Variants in OPCML observed in about 807,000 individuals in gnomAD.
The protein encoded by OPCML is opioid binding protein/cell adhesion molecule like, also known as opioid-binding protein/cell adhesion molecule.
Under a neutral mutation model 37.8 loss-of-function variants are expected in OPCML, and 13 were observed. The observed-to-expected ratio is 0.34, with a 90% confidence interval of 0.22 to 0.55. The LOEUF (loss-of-function observed/expected upper bound fraction) is 0.55, where lower values mean the gene tolerates loss of function less well. OPCML is among the 20% of genes least tolerant of loss of function. OPCML has a pLI of 0.91. For missense variants in OPCML, 341 were observed against 435.6 expected (o/e 0.78, Z 1.93); for synonymous variants, 176 against 168.8 (o/e 1.04, Z -0.33).
chr11:132,557,701 C>A (rs923243510), intron 3 of OPCML, among the ~76,000 whole-genome samples: 16 of 152,192 alleles, frequency 1.1e-4, no homozygotes, highest in African/African-American at 3.9e-4. Flanking sequence ...ATTCTAGGCA[C>A]TTTGCCAGGC....
intron 2 of OPCML, among the ~76,000 whole-genome samples, chr11:132,827,940 C>A (rs1161396579): frequency 1.3e-5 from 2 of 152,018 alleles, no homozygotes; most frequent in Non-Finnish European, 2.9e-5. Context: ...CCCTGTGCAC[C>A]AGTGTTTTAT....
At chr11:132,512,978 A>G (rs183293165) in intron 4 of OPCML, among the ~76,000 whole-genome samples, 234 of 152,104 alleles carry the variant, frequency 1.5e-3, no homozygotes, top group Middle Eastern at 3.4e-3. Flanking sequence ...TTATGACCGC[A>G]AGATTTTTTT....
At chr11:132,771,309 T>C (rs1212653534) in intron 2 of OPCML, among the ~76,000 whole-genome samples, 2 of 152,206 alleles carry the variant, frequency 1.3e-5, no homozygotes, top group Non-Finnish European at 2.9e-5. Context: ...TCTTGCACGA[T>C]GGGGATTCAA....
chr11:133,350,288 T>G (rs1290884733), intron 1 of OPCML, among the ~76,000 whole-genome samples: 1 of 152,222 alleles, frequency 6.6e-6, no homozygotes, highest in African/African-American at 2.4e-5. Context: ...GAACACTGCC[T>G]GGTGACAGGT....
intron 2 of OPCML, among the ~76,000 whole-genome samples, chr11:132,917,419 C>A (rs185773407): frequency 5.2e-4 from 70 of 135,202 alleles, no homozygotes; most frequent in African/African-American, 2.6e-3. Flanking sequence ...GAGTAGTTAG[C>A]ATGTTTTTCT....
intron 1 of OPCML, among the ~76,000 whole-genome samples, chr11:133,204,010 A>AT (rs1358556034): frequency 2.1e-4 from 28 of 134,756 alleles, no homozygotes; most frequent in Admixed American, 7.6e-4. Flanking sequence ...TTGAGCCGAG[A>AT]TCCCGCCACT....
At chr11:133,246,545 A>G (rs1028030473) in intron 1 of OPCML, among the ~76,000 whole-genome samples, 3 of 152,190 alleles carry the variant, frequency 2.0e-5, no homozygotes, top group African/African-American at 7.2e-5. Context: ...GGGGAAGGGA[A>G]GGGTGAGAAT....
intron 2 of OPCML, among the ~76,000 whole-genome samples, chr11:132,750,891 A>T (rs1221711864): frequency 6.6e-6 from 1 of 151,688 alleles, no homozygotes; most frequent in Admixed American, 6.6e-5. Context: ...AAGGCATTCC[A>T]GGTCTGCCTT....
At chr11:133,436,431 T>C (rs1208114690) in intron 1 of OPCML, among the ~76,000 whole-genome samples, 1 of 152,200 alleles carries the variant, frequency 6.6e-6, no homozygotes, top group Non-Finnish European at 1.5e-5. Context: ...TTCCCCTATT[T>C]TGACTTTAGT....
At chr11:132,666,506 T>C (rs191426803) in intron 2 of OPCML, among the ~76,000 whole-genome samples, 1 of 152,298 alleles carries the variant, frequency 6.6e-6, no homozygotes, top group African/African-American at 2.4e-5. Flanking sequence ...AGATGAGGTT[T>C]GGAGAGAACA....
rs78046007 is a variant in OPCML at position 132,535,651 on chromosome 11, T to C, written c.380-6465A>G. ...TAAGACAGGATGCTGGGACACAGTCTTAACCCTCAGGGCCAGACCCAGTGA... is the reference window on the plus strand; with the variant it reads ...TAAGACAGGATGCTGGGACACAGTCCTAACCCTCAGGGCCAGACCCAGTGA... On this transcript the variant is annotated intron_variant, in intron 3 of 7. Coordinates refer to ENST00000524381, the MANE Select transcript of OPCML (RefSeq NM_001012393.5). Among the ~76,000 whole-genome samples the C allele has an allele frequency of 8.4e-3, 1,283 of 152,290 alleles. 13 individuals are homozygous for C. The highest frequency in any genetic ancestry group is 0.03 in the African/African-American group (1,229 of 41,572).
intron 1 of OPCML, chr11:133,008,568 G>A: frequency 2.6e-6 from 1 of 385,430 alleles, no homozygotes; most frequent in Non-Finnish European, 3.5e-6. Context: ...GCCCTCAGTG[G>A]ACAAAAGCTG....
rs186965986 is a variant in OPCML, at chr11:132,907,384, G to A, written c.146+35542C>T. Among the ~76,000 whole-genome samples the A allele has an allele frequency of 1.2e-3, 187 of 152,228 alleles. 1 individual carries two copies. The highest frequency in any genetic ancestry group is 2.7e-3 in the Admixed American group (41 of 15,288). On this transcript the variant is annotated intron_variant, in intron 2 of 7. Transcript: ENST00000524381. ...AAATTGGCTCATGCCTGTAATCCCAGCACTTTGGGAGGCCGAAGCTGGTGG... is the reference window on the plus strand; with the variant it reads ...AAATTGGCTCATGCCTGTAATCCCAACACTTTGGGAGGCCGAAGCTGGTGG...
intron 3 of OPCML, among the ~76,000 whole-genome samples, chr11:132,561,338 TA>T (rs1018409450): frequency 7.2e-5 from 11 of 152,212 alleles, no homozygotes; most frequent in Admixed American, 3.9e-4. Context: ...TTGTGCTTCT[TA>T]AAATCCTTTC....
In OPCML at chr11:133,479,433, T is replaced by C. The variant is rs182225287; in HGVS notation, c.61+52831A>G. On this transcript the variant is annotated intron_variant, in intron 1 of 7. Transcript: ENST00000524381. ...CAGCCTGAGTCATGACCAGAACAGATTAAAGGAGTTAAGACAGGTAAATTG... is the reference window on the plus strand; with the variant it reads ...CAGCCTGAGTCATGACCAGAACAGACTAAAGGAGTTAAGACAGGTAAATTG... Among the ~76,000 whole-genome samples, 88 of 152,166 alleles carry C rather than the reference T, an allele frequency of 5.8e-4. 2 individuals carry two copies. The highest frequency in any genetic ancestry group is 2.0e-3 in the African/African-American group (83 of 41,542).
rs1939092820 is a variant in OPCML, at chr11:133,206,978, G to A, written c.62-263968C>T. 6.6e-6 allele frequency among the ~76,000 whole-genome samples: 1 copy of A among 152,068 alleles called. No homozygotes were observed. Among genetic ancestry groups the A allele is most frequent in the Non-Finnish European group, 1.5e-5 (1 of 68,010 alleles). On this transcript the variant is annotated intron_variant, in intron 1 of 7. Transcript: ENST00000524381. This position sits in a 1 kb window ranked among gnomAD's most constrained non-coding sequence, Gnocchi z 4.7. ...AAATGCACTCACGTGATCTCTCAGA[G>A]GAACGCCATAGAAAATCTCCTTCTA...
At position 132,826,444 on chromosome 11, in the gene OPCML, C is replaced by A. The variant is rs144889573; in HGVS notation, c.146+116482G>T. ...CTTTGAACACAAGTAGTGAAATAACCCCCAGTGAATGGCAACAGCAAGAGA... is the reference window on the plus strand; with the variant it reads ...CTTTGAACACAAGTAGTGAAATAACACCCAGTGAATGGCAACAGCAAGAGA... On this transcript the variant is annotated intron_variant, in intron 2 of 7. Coordinates refer to ENST00000524381, the MANE Select transcript of OPCML (RefSeq NM_001012393.5). Among the ~76,000 whole-genome samples the A allele has an allele frequency of 5.3e-5, 8 of 152,222 alleles. No individual in the cohort carries two copies. The East Asian group carries it at 1.6e-3, about 30-fold the overall frequency.
chr11:133,308,533 A>C (rs114263780), intron 1 of OPCML, among the ~76,000 whole-genome samples: 3 of 152,078 alleles, frequency 2.0e-5, no homozygotes, highest in Non-Finnish European at 4.4e-5. Context: ...TATACTGCAG[A>C]TATATGGAAA....
intron 4 of OPCML, among the ~76,000 whole-genome samples, chr11:132,503,195 TC>T (rs2096249312): frequency 6.6e-6 from 1 of 152,282 alleles, no homozygotes; most frequent in East Asian, 1.9e-4. Context: ...TTTTTGCATC[TC>T]CGTTGGCTGG....
Sources: allele counts gnomAD v4.1 joint callset (sites outside exome capture counted in the v4.1 genomes callset), GRCh38; gene constraint gnomAD v4.1.1; non-coding constraint Gnocchi (gnomAD v3.1); transcripts MANE v1.5; gene names NCBI Gene and HGNC (gene_info 2026-07-23, HGNC 2026-07-21).